GPHN: variants seen among roughly 807,000 people sequenced by gnomAD.
GPHN encodes gephyrin.
In GPHN, 17 loss-of-function variants were observed where a neutral mutation model predicts 95.5. The ratio of observed to expected loss-of-function variants is 0.18; its 90% CI spans 0.12 to 0.27. The LOEUF is 0.27. Among genes scored for constraint, GPHN ranks in the 10% least tolerant of loss-of-function variants. The pLI, the probability that GPHN is intolerant of heterozygous loss-of-function variation, is 1.00. For synonymous variants in GPHN, 320 were observed against 322.5 expected (o/e 0.99, Z 0.08); for missense variants, 660 against 978.1 (o/e 0.67, Z 4.34).
the GPHN span, chr14:67,376,616 T>C: frequency 6.2e-7 from 1 of 1,605,152 alleles, no homozygotes; most frequent in African/African-American, 1.3e-5. Flanking sequence ...TGACTCTCCT[T>C]CTACCTTGAT....
At chr14:67,515,793 G>A in the GPHN span, among the ~76,000 whole-genome samples, 1 of 152,008 alleles carries the variant, frequency 6.6e-6, no homozygotes, top group South Asian at 2.1e-4. Context: ...GAGGGCCACA[G>A]ACCACGTGGT....
chr14:66,727,761 C>T (rs570274129), intron 2 of GPHN, among the ~76,000 whole-genome samples: 15 of 152,228 alleles, frequency 9.9e-5, no homozygotes, highest in African/African-American at 3.4e-4. Context: ...GGAAACAGAA[C>T]ATAAAAGTTT....
At chr14:66,658,426 A>T (rs577752944) in intron 1 of GPHN, among the ~76,000 whole-genome samples, 34 of 152,300 alleles carry the variant, frequency 2.2e-4, no homozygotes, top group African/African-American at 6.5e-4. Flanking sequence ...TTTGAAAAAA[A>T]TTCTGTGAAT....
chr14:67,186,813 T>C, the GPHN span, among the ~76,000 whole-genome samples: 1 of 152,090 alleles, frequency 6.6e-6, no homozygotes, highest in Non-Finnish European at 1.5e-5. Context: ...GAGAGAGAAA[T>C]GTAGTTTGCA....
At chr14:67,241,657 A>G in the GPHN span, 1 of 152,306 alleles carries the variant, frequency 6.6e-6, no homozygotes, top group Non-Finnish European at 1.5e-5. Flanking sequence ...AACTCCGGCC[A>G]GCGGGAGACC....
Position 66,520,871 on chromosome 14 carries a change from C to T in GPHN, c.64+12280C>T, listed in dbSNP as rs560266290. On this transcript the variant is annotated intron_variant, in intron 1 of 22. Coordinates refer to ENST00000478722, the MANE Select transcript of GPHN (RefSeq NM_020806.5). ...TATCCCTCTTCCCACCCCCTACCCT[C>T]AAGCAGGCCCCAGTGTCTGTCGTTC... Among the ~76,000 whole-genome samples the T allele has an allele frequency of 2.0e-5, 3 of 152,170 alleles. No individual in the cohort carries two copies. The South Asian group carries it at 6.2e-4, about 32-fold the overall frequency.
chr14:66,704,256 CAA>C (rs2068850784), intron 2 of GPHN, among the ~76,000 whole-genome samples: 2 of 151,810 alleles, frequency 1.3e-5, no homozygotes, highest in African/African-American at 2.4e-5. Context: ...ATTAGATCAA[CAA>C]GAGAGAAAAT....
chr14:67,647,030 G>C, the GPHN span: 1 of 1,592,408 alleles, frequency 6.3e-7, no homozygotes, highest in Non-Finnish European at 8.6e-7. Context: ...TGGCAAGTAA[G>C]TAACTATAAC....
At chr14:67,722,557 C>T in the GPHN span, 45 of 1,132,546 alleles carry the variant, frequency 4.0e-5, no homozygotes, top group Non-Finnish European at 3.0e-5. Context: ...CAGCCAAGAG[C>T]TGGAGCCAGA....
the GPHN span, among the ~76,000 whole-genome samples, chr14:67,280,140 G>C: frequency 6.6e-6 from 1 of 152,202 alleles, no homozygotes; most frequent in Non-Finnish European, 1.5e-5. Context: ...GGCTAAATAA[G>C]TTAAATAGCT....
the GPHN span, among the ~76,000 whole-genome samples, chr14:67,218,032 G>C: frequency 3.3e-5 from 5 of 152,056 alleles, no homozygotes; most frequent in Admixed American, 1.3e-4. Context: ...TCTCCATGTA[G>C]TTTCTTTAGT....
chr14:66,932,464 T>TG (rs1567118571), intron 8 of GPHN, among the ~76,000 whole-genome samples: 16 of 123,620 alleles, frequency 1.3e-4, no homozygotes, highest in Non-Finnish European at 2.5e-4. Flanking sequence ...TTTTTTTTTT[T>TG]TTTTTTTTTT....
the GPHN span, among the ~76,000 whole-genome samples, chr14:67,448,120 C>CTTTTTTTTTTTTTTTTTT: frequency 8.3e-5 from 3 of 36,050 alleles, 1 homozygote; most frequent in African/African-American, 3.0e-4. Flanking sequence ...ATAGCCCATT[C>CTTTTTTTTTTTTTTTTTT]TTTTTTTTTT....
the GPHN span, among the ~76,000 whole-genome samples, chr14:67,282,334 A>G: frequency 2.0e-5 from 3 of 152,154 alleles, no homozygotes; most frequent in Non-Finnish European, 4.4e-5. Flanking sequence ...CCTTTTTCAC[A>G]TCTAGAAACA....
At chr14:66,715,371 T>G (rs1037530306) in intron 2 of GPHN, among the ~76,000 whole-genome samples, 2 of 152,168 alleles carry the variant, frequency 1.3e-5, no homozygotes, top group Non-Finnish European at 2.9e-5. Flanking sequence ...TTTGTCTCCT[T>G]TTCTTGGTTA....
the GPHN span, among the ~76,000 whole-genome samples, chr14:67,546,435 CTT>C: frequency 6.6e-6 from 1 of 152,164 alleles, no homozygotes; most frequent in African/African-American, 2.4e-5. Flanking sequence ...AAGTTTCTCT[CTT>C]GTTGCCCCGG....
the GPHN span, among the ~76,000 whole-genome samples, chr14:67,611,792 T>G: frequency 2.6e-5 from 4 of 152,212 alleles, no homozygotes; most frequent in African/African-American, 9.6e-5. Flanking sequence ...GGGATGGTTT[T>G]GGGATGACTT....
chr14:66,712,099 T>A, intron 2 of GPHN, among the ~76,000 whole-genome samples: 1 of 152,220 alleles, frequency 6.6e-6, no homozygotes, highest in East Asian at 1.9e-4. Flanking sequence ...CCTTTGGGTA[T>A]ATACCCAGTA....
chr14:67,192,819 T>C, the GPHN span, among the ~76,000 whole-genome samples: 17 of 146,970 alleles, frequency 1.2e-4, no homozygotes, highest in Non-Finnish European at 2.2e-4. Context: ...TAGATATCTA[T>C]ATGTACAGAT....
Sources: gnomAD v4.1 joint callset for allele counts (sites outside exome capture counted in the v4.1 genomes callset) on GRCh38, gnomAD v4.1.1 for gene constraint, MANE v1.5 for transcripts, NCBI Gene and HGNC (gene_info 2026-07-23, HGNC 2026-07-21) for gene names.